The following IQCJ variants were observed in gnomAD, a reference collection of about 807,000 sequenced individuals.
The protein encoded by IQCJ is IQ domain-containing protein J.
IQCJ carries 9 observed loss-of-function variants against 11.0 expected under a neutral mutation model. That is an observed-to-expected ratio of 0.82 (90% CI 0.49 to 1.43). IQCJ has a LOEUF of 1.43. Ranked by LOEUF, IQCJ falls within the 40% of genes most tolerant of loss-of-function variation. The probability of loss-of-function intolerance (pLI) is 0.00; values close to 1 mark genes in which losing one functional copy is unlikely to be tolerated. For missense variants in IQCJ, 146 were observed against 133.2 expected (o/e 1.10, Z -0.47); for synonymous variants, 55 against 51.3 (o/e 1.07, Z -0.31).
At chr3:159,115,618 T>C (rs1243921490) in intron 1 of IQCJ, among the ~76,000 whole-genome samples, 2 of 152,226 alleles carry the variant, frequency 1.3e-5, no homozygotes, top group Admixed American at 6.5e-5. Context: ...CTGACCAACA[T>C]AGCTAGCTCT....
At chr3:159,125,869 A>C (rs1426276907) in intron 1 of IQCJ, among the ~76,000 whole-genome samples, 1 of 152,212 alleles carries the variant, frequency 6.6e-6, no homozygotes, top group Admixed American at 6.5e-5. Context: ...GCAGAGTCAC[A>C]GGTGTGCTGT....
intron 1 of IQCJ, among the ~76,000 whole-genome samples, chr3:159,213,717 A>C (rs1247502952): frequency 6.6e-6 from 1 of 152,252 alleles, no homozygotes; most frequent in Non-Finnish European, 1.5e-5. Flanking sequence ...TTTTAAAGCA[A>C]TGGACCCCAA....
At chr3:159,226,113 C>A (rs1202454598) in intron 1 of IQCJ, among the ~76,000 whole-genome samples, 31 of 152,170 alleles carry the variant, frequency 2.0e-4, no homozygotes, top group Admixed American at 1.8e-3. Flanking sequence ...GCCCTTCACA[C>A]CCCATTTTTT....
At chr3:159,250,428 T>C (rs1727530191) in intron 2 of IQCJ, among the ~76,000 whole-genome samples, 2 of 152,130 alleles carry the variant, frequency 1.3e-5, no homozygotes, top group Admixed American at 1.3e-4. Context: ...ATATAATATA[T>C]AGAATTATAA....
At chr3:159,119,573 T>C (rs1042908836) in intron 1 of IQCJ, among the ~76,000 whole-genome samples, 1 of 152,192 alleles carries the variant, frequency 6.6e-6, no homozygotes. Flanking sequence ...TTCCATGAAG[T>C]AGTAAAGTTG....
chr3:159,204,872 C>G (rs1347219296), intron 1 of IQCJ, among the ~76,000 whole-genome samples: 1 of 152,192 alleles, frequency 6.6e-6, no homozygotes, highest in East Asian at 1.9e-4. Flanking sequence ...TCAATTTGCA[C>G]TTTACTTTCT....
chr3:159,182,819 C>T (rs1723177786), intron 1 of IQCJ, among the ~76,000 whole-genome samples: 1 of 149,552 alleles, frequency 6.7e-6, no homozygotes, highest in African/African-American at 2.5e-5. Context: ...TGTCTGTAAT[C>T]TATAGATAAC....
Position 159,159,979 on chromosome 3 carries a change from ATAAACTTCT to A in IQCJ, c.10-85862_10-85854del, listed in dbSNP as rs1721746322. ...TACAGCCTGCAGAACTGTGAGCCAA[ATAAACTTCT>A]TTTCATTATAAATTACCCATCCTCA... On this transcript the variant is annotated intron_variant, in intron 1 of 3. Transcript: ENST00000397832. Among the ~76,000 whole-genome samples, 4 of 152,278 alleles carry A rather than the reference ATAAACTTCT, an allele frequency of 2.6e-5. No homozygotes were observed. In the South Asian group the frequency reaches 8.3e-4, roughly 32 times the overall value.
rs187722709 is a variant in IQCJ at position 159,203,162 on chromosome 3, C to G, written c.10-42681C>G. ...TTTCCTCCTTCATTCAAGATGTAAGCTCCTGGTGTCATTGGAGGATTTAGG... is the reference window on the plus strand; with the variant it reads ...TTTCCTCCTTCATTCAAGATGTAAGGTCCTGGTGTCATTGGAGGATTTAGG... On this transcript the variant is annotated intron_variant, in intron 1 of 3. Coordinates refer to ENST00000397832, the MANE Select transcript of IQCJ (RefSeq NM_001042706.3). 8.3e-4 allele frequency among the ~76,000 whole-genome samples: 124 copies of G among 149,778 alleles called. 3 individuals are homozygous for G. The highest frequency in any genetic ancestry group is 1.9e-4 in the Non-Finnish European group (13 of 67,694).
intron 1 of IQCJ, among the ~76,000 whole-genome samples, chr3:159,222,843 G>T (rs544868361): frequency 6.6e-6 from 1 of 151,734 alleles, no homozygotes; most frequent in Non-Finnish European, 1.5e-5. Context: ...TATAAACAGC[G>T]ACCTCTGTAT....
intron 2 of IQCJ, among the ~76,000 whole-genome samples, chr3:159,247,243 C>A (rs1432301571): frequency 6.6e-6 from 1 of 152,084 alleles, no homozygotes; most frequent in Non-Finnish European, 1.5e-5. Context: ...ATTACAGGCA[C>A]GTGCCACCAC....
In IQCJ at chr3:159,190,316, C is replaced by T. The variant is rs1391762463; in HGVS notation, c.10-55527C>T. On this transcript the variant is annotated intron_variant, in intron 1 of 3. Transcript: ENST00000397832. Reference sequence around the variant, plus strand: ...GTCTCACTGCCCTGTGTTTCAAATGCAAGTTTTCAATTCAGCAAACATTTC... The same window carrying T: ...GTCTCACTGCCCTGTGTTTCAAATGTAAGTTTTCAATTCAGCAAACATTTC... 8.5e-5 allele frequency among the ~76,000 whole-genome samples: 13 copies of T among 152,334 alleles called. No individual in the cohort carries two copies. The East Asian group carries it at 1.9e-3, about 23-fold the overall frequency.
intron 1 of IQCJ, among the ~76,000 whole-genome samples, chr3:159,116,771 T>C (rs1286100969): frequency 2.0e-5 from 3 of 151,184 alleles, no homozygotes; most frequent in African/African-American, 7.3e-5. Context: ...CACAGATCTT[T>C]TGTGCAATTG....
chr3:159,161,286 T>G (rs1469138261), intron 1 of IQCJ, among the ~76,000 whole-genome samples: 1 of 152,228 alleles, frequency 6.6e-6, no homozygotes, highest in Non-Finnish European at 1.5e-5. Context: ...CCAGTGATGG[T>G]GGAGCACTTT....
At chr3:159,081,622 C>T (rs986679288) in intron 1 of IQCJ, among the ~76,000 whole-genome samples, 1 of 152,014 alleles carries the variant, frequency 6.6e-6, no homozygotes, top group Non-Finnish European at 1.5e-5. Context: ...TGACCAAATC[C>T]TTCCCATTTC....
chr3:159,166,956 C>A (rs1373995066), intron 1 of IQCJ, among the ~76,000 whole-genome samples: 4 of 152,206 alleles, frequency 2.6e-5, no homozygotes, highest in Non-Finnish European at 5.9e-5. Context: ...ATATTGGAAA[C>A]TTAATCCTGC....
At chr3:159,095,617 T>C (rs1717688775) in intron 1 of IQCJ, among the ~76,000 whole-genome samples, 1 of 96,650 alleles carries the variant, frequency 1.0e-5, no homozygotes, top group Admixed American at 1.2e-4. Context: ...ATGCGGTGTT[T>C]GGTTTTTTGT....
At chr3:159,105,066 G>T (rs1039864210) in intron 1 of IQCJ, among the ~76,000 whole-genome samples, 4 of 152,172 alleles carry the variant, frequency 2.6e-5, no homozygotes, top group Non-Finnish European at 5.9e-5. Flanking sequence ...ATGAAATCAA[G>T]ACATGGCCAC....
intron 1 of IQCJ, among the ~76,000 whole-genome samples, chr3:159,094,005 C>A (rs750016276): frequency 6.6e-6 from 1 of 151,774 alleles, no homozygotes; most frequent in African/African-American, 2.4e-5. Flanking sequence ...CAGTAAGAAG[C>A]CTTTGTCAGT....
Sources: allele counts gnomAD v4.1 joint callset (sites outside exome capture counted in the v4.1 genomes callset), GRCh38; gene constraint gnomAD v4.1.1; transcripts MANE v1.5; gene names NCBI Gene and HGNC (gene_info 2026-07-23, HGNC 2026-07-21).